Variants in SLC38A9 observed in about 807,000 individuals in gnomAD.
The protein encoded by SLC38A9 is solute carrier family 38 member 9.
SLC38A9 carries 48 observed loss-of-function variants against 62.3 expected under a neutral mutation model. The observed-to-expected ratio is 0.77, with a 90% confidence interval of 0.61 to 0.98. SLC38A9 has a LOEUF of 0.98. Among genes scored for constraint, SLC38A9 ranks in the 50% least tolerant of loss-of-function variants. The pLI is 0.00. For missense variants in SLC38A9, 541 were observed against 679.8 expected, an observed-to-expected ratio of 0.80 and a Z score of 2.27; for synonymous variants, 204 against 227.7, an observed-to-expected ratio of 0.90 and a Z score of 0.94.
At chr5:55,649,161 G>T in intron 11 of SLC38A9, 46 bp downstream of exon 11, 1 of 1,102,412 alleles carries the variant, frequency 9.1e-7, no homozygotes, top group Non-Finnish European at 1.3e-6. Flanking sequence ...TATGACAATG[G>T]TTAAGATCAC....
intron 4 of SLC38A9, among the ~76,000 whole-genome samples, chr5:55,670,352 A>T (rs3887063): frequency 0.6 from 90,572 of 151,586 alleles, 27,628 homozygotes; most frequent in South Asian, 0.7. Flanking sequence ...ATATAGAAAA[A>T]CTAACTAAAA....
chr5:55,703,789 T>C (rs1044719208), intron 2 of SLC38A9, among the ~76,000 whole-genome samples: 47 of 152,206 alleles, frequency 3.1e-4, no homozygotes, highest in Non-Finnish European at 1.5e-5. Flanking sequence ...ATCTTCTTAG[T>C]TTAAAACTGT....
In SLC38A9 at chr5:55,672,545, T is replaced by C; in HGVS notation, c.246+18A>G. On this transcript the variant is annotated intron_variant, in intron 4 of 15. Transcript: ENST00000396865. ...TTTCAACTGAATTTTAGACTATTAG[T>C]AATGTTTTGTCTCTTACCAGTGCCT... The C allele has an allele frequency of 6.2e-7, 1 of 1,612,068 alleles. No homozygotes were observed. The highest frequency in any genetic ancestry group is 8.5e-7 in the Non-Finnish European group (1 of 1,179,278).
chr5:55,631,962 A>G (rs1284059044), intron 14 of SLC38A9, among the ~76,000 whole-genome samples: 1 of 152,196 alleles, frequency 6.6e-6, no homozygotes, highest in African/African-American at 2.4e-5. Context: ...TGAAAAAAAA[A>G]AAGAAATTTC....
At chr5:55,636,809 G>A (rs1744459249) in intron 12 of SLC38A9, among the ~76,000 whole-genome samples, 1 of 152,168 alleles carries the variant, frequency 6.6e-6, no homozygotes, top group Non-Finnish European at 1.5e-5. Context: ...ATTAGATGGT[G>A]GATAAGCCCA....
At chr5:55,692,814 G>C (rs1245350839) in intron 3 of SLC38A9, 8 of 984,714 alleles carry the variant, frequency 8.1e-6, no homozygotes, top group Non-Finnish European at 8.4e-6. Context: ...AGAAAACCCT[G>C]AGCATTCAAG....
chr5:55,669,369 TAA>T, intron 6 of SLC38A9, 48 bp from the exon 7 acceptor site: 1 of 1,487,204 alleles, frequency 6.7e-7, no homozygotes, highest in Non-Finnish European at 9.3e-7. Context: ...CATGTAAGCA[TAA>T]ATTCATATGC....
chr5:55,646,996 C>T (rs1165080338), intron 11 of SLC38A9, among the ~76,000 whole-genome samples: 3 of 152,122 alleles, frequency 2.0e-5, no homozygotes, highest in Non-Finnish European at 2.9e-5. Context: ...GTAATCCTCC[C>T]ACCACAGCCT....
intron 3 of SLC38A9, among the ~76,000 whole-genome samples, chr5:55,695,145 A>T (rs6450342): frequency 6.6e-6 from 1 of 151,430 alleles, no homozygotes; most frequent in Admixed American, 6.6e-5. Flanking sequence ...TTAGTGTTAA[A>T]TTTTTTTAAT....
intron 10 of SLC38A9, among the ~76,000 whole-genome samples, chr5:55,649,865 T>TA (rs1232288965): frequency 1.1e-4 from 16 of 151,872 alleles, no homozygotes; most frequent in Non-Finnish European, 1.6e-4. Context: ...CAGATGAAGG[T>TA]AGCTCATACA....
chr5:55,672,846 T>C (rs1374048), intron 3 of SLC38A9, 151 bp from the exon 4 acceptor site: 434,808 of 680,922 alleles, frequency 0.64, 141,152 homozygotes, highest in South Asian at 0.7. Flanking sequence ...CAGAAAATGT[T>C]ACAAAAGAAG....
intron 9 of SLC38A9, among the ~76,000 whole-genome samples, chr5:55,656,089 AG>A (rs1748368341): frequency 6.6e-6 from 1 of 152,072 alleles, no homozygotes; most frequent in South Asian, 2.1e-4. Flanking sequence ...ATAGTGATAT[AG>A]GTTCTTGAAA....
At chr5:55,645,585 A>G (rs1746195352) in intron 12 of SLC38A9, among the ~76,000 whole-genome samples, 4 of 152,266 alleles carry the variant, frequency 2.6e-5, no homozygotes, top group South Asian at 4.1e-4. Context: ...AACAAAAACC[A>G]TAAGGCCTAC....
chr5:55,633,978 G>T, intron 13 of SLC38A9, 76 bp from the exon 14 acceptor site: 1 of 1,182,670 alleles, frequency 8.5e-7, no homozygotes, highest in Non-Finnish European at 1.2e-6. Context: ...AATGTCTTCT[G>T]CTTATTTTGA....
At chr5:55,680,218 T>TAGAG (rs772132280) in intron 3 of SLC38A9, among the ~76,000 whole-genome samples, 3 of 111,602 alleles carry the variant, frequency 2.7e-5, no homozygotes, top group Non-Finnish European at 6.0e-5. Flanking sequence ...TATATATCTA[T>TAGAG]ATATATATAG....
intron 4 of SLC38A9, among the ~76,000 whole-genome samples, chr5:55,671,563 T>C (rs1751335213): frequency 6.6e-6 from 1 of 151,380 alleles, no homozygotes; most frequent in African/African-American, 2.4e-5. Flanking sequence ...CTCACGCCTG[T>C]AATCCCAGCA....
intron 3 of SLC38A9, among the ~76,000 whole-genome samples, chr5:55,676,969 T>C (rs1580305242): frequency 6.6e-6 from 1 of 152,180 alleles, no homozygotes; most frequent in African/African-American, 2.4e-5. Context: ...CCATCTGCAA[T>C]TTCACACACA....
chr5:55,704,128 A>G (rs1757010049), intron 2 of SLC38A9: 1 of 152,222 alleles, frequency 6.6e-6, no homozygotes, highest in Admixed American at 6.5e-5. Flanking sequence ...TGATCACACC[A>G]CTGCAGTCCA....
At chr5:55,686,261 T>G (rs1262041146) in intron 3 of SLC38A9, among the ~76,000 whole-genome samples, 1 of 152,176 alleles carries the variant, frequency 6.6e-6, no homozygotes, top group African/African-American at 2.4e-5. Flanking sequence ...TAAGCCTTCC[T>G]TTTTCTCCAG....
Sources: allele counts gnomAD v4.1 joint callset (sites outside exome capture counted in the v4.1 genomes callset), GRCh38; gene constraint gnomAD v4.1.1; transcripts MANE v1.5; gene names NCBI Gene and HGNC (gene_info 2026-07-23, HGNC 2026-07-21).